CPEB4: variants seen among roughly 807,000 people sequenced by gnomAD.
CPEB4 encodes the protein cytoplasmic polyadenylation element-binding protein 4.
CPEB4 carries 12 observed loss-of-function variants against 72.5 expected under a neutral mutation model. The ratio of observed to expected loss-of-function variants is 0.17; its 90% CI spans 0.11 to 0.27. CPEB4 has a LOEUF of 0.27. Ranked by LOEUF, CPEB4 falls within the 10% of genes least tolerant of loss-of-function variation. The pLI is 1.00. For missense variants in CPEB4, 614 were observed against 908.5 expected, an observed-to-expected ratio of 0.68 and a Z score of 4.17; for synonymous variants, 302 against 326.3, an observed-to-expected ratio of 0.93 and a Z score of 0.80.
intron 3 of CPEB4, 46 bp from the exon 4 acceptor site, chr5:173,942,980 G>A (rs772381212): frequency 6.3e-7 from 1 of 1,590,768 alleles, no homozygotes. Flanking sequence ...TGTTTGAAAG[G>A]TTGTTTTGTT....
chr5:173,908,578 G>A (rs537100101), intron 1 of CPEB4, among the ~76,000 whole-genome samples: 1 of 152,260 alleles, frequency 6.6e-6, no homozygotes, highest in African/African-American at 2.4e-5. Context: ...GATGAGATGG[G>A]GTCAGGAGGA....
rs1348390187 is a variant in CPEB4, at chr5:173,958,881, A to G, written c.*2744A>G. The G allele has an allele frequency of 6.5e-6, 1 of 152,732 alleles. No individual in the cohort carries two copies. The highest frequency in any genetic ancestry group is 1.9e-4 in the East Asian group (1 of 5,334). The allele number at this position is 152,732 out of a possible 1,614,324, so 9.5% of individuals were successfully genotyped here. A position where few individuals can be genotyped will look rare whatever the true frequency, so the allele number is the denominator to read the frequency against. On this transcript the variant is annotated 3_prime_UTR_variant, in exon 10 of 10. Transcript: ENST00000265085. ...TGTCTGCTCTTTTAAATTATATATA[A>G]GGAAAAAAAATAGCCTGCCTTGGGA...
At chr5:173,935,247 G>A (rs543159330) in intron 3 of CPEB4, among the ~76,000 whole-genome samples, 2 of 152,282 alleles carry the variant, frequency 1.3e-5, no homozygotes, top group East Asian at 3.9e-4. Context: ...TGCAAAAATT[G>A]TTGAAAGTTG....
intron 3 of CPEB4, among the ~76,000 whole-genome samples, chr5:173,934,141 C>T (rs370128769): frequency 3.6e-4 from 55 of 152,224 alleles, no homozygotes; most frequent in Middle Eastern, 3.4e-3. Context: ...GCCATGATTG[C>T]ACCACTGTAC....
intron 2 of CPEB4, among the ~76,000 whole-genome samples, chr5:173,916,325 A>G (rs1297346603): frequency 6.6e-6 from 1 of 152,242 alleles, no homozygotes; most frequent in Non-Finnish European, 1.5e-5. Context: ...TCTGAGTTTC[A>G]GGCATTTCAA....
Position 173,956,002 on chromosome 5 carries a change from T to A in CPEB4, c.2055T>A (p.Ala685=), listed in dbSNP as rs757814742. The part of the protein sequence containing the change: ...CGGKFAPFFC[A]NVTCLQYYCE... ...GGAAATTTGCTCCATTTTTCTGTGC[T>A]AATGTTACCTGTCTGCAGTATTACT... The change falls in exon 10 of 10, where the codon GCT becomes GCA. Residue 685 remains alanine (A), a synonymous_variant. Coordinates refer to ENST00000265085, the MANE Select transcript of CPEB4 (RefSeq NM_030627.4). 1.9e-6 allele frequency: 3 copies of A among 1,614,202 alleles called. No individual in the cohort carries two copies. Among genetic ancestry groups the A allele is most frequent in the East Asian group, 4.5e-5 (2 of 44,884 alleles).
At position 173,955,335 on chromosome 5, in the gene CPEB4, C is replaced by T. The variant is rs990347895; in HGVS notation, c.1963-575C>T. Among the ~76,000 whole-genome samples the T allele has an allele frequency of 6.6e-6, 1 of 151,450 alleles. No individual in the cohort carries two copies. Among genetic ancestry groups the T allele is most frequent in the Non-Finnish European group, 1.5e-5 (1 of 67,908 alleles). On this transcript the variant is annotated intron_variant, in intron 9 of 9. Transcript: ENST00000265085. This position sits in a 1 kb window ranked among gnomAD's most constrained non-coding sequence, Gnocchi z 4.7. ...TTTTAGACTGTGAATCCTATGGCTG[C>T]ATCTTTTTTTTTTTTTTTAACAGAG...
rs564859216 is a variant in CPEB4 at position 173,937,469 on chromosome 5, G to T, written c.1258+4969G>T. ...GAAATGTAGATGATGATCACTTACT[G>T]AAAATGTGTGTAATATGGTTCTAGT... On this transcript the variant is annotated intron_variant, in intron 3 of 9. Transcript: ENST00000265085. 2.6e-5 allele frequency among the ~76,000 whole-genome samples: 4 copies of T among 152,290 alleles called. No homozygotes were observed. In the South Asian group the frequency reaches 6.2e-4, roughly 24 times the overall value.
chr5:173,921,948 C>G (rs1757087039), intron 2 of CPEB4, among the ~76,000 whole-genome samples: 1 of 152,140 alleles, frequency 6.6e-6, no homozygotes, highest in Non-Finnish European at 1.5e-5. Flanking sequence ...TATTTGTAAC[C>G]CAGATCCTTA....
chr5:173,914,687 C>T (rs1011807846), intron 2 of CPEB4, among the ~76,000 whole-genome samples: 7 of 152,164 alleles, frequency 4.6e-5, no homozygotes, highest in African/African-American at 1.7e-4. Flanking sequence ...ACCTGGCAGG[C>T]GGAGGTTGCA....
At chr5:173,952,896 C>T (rs978079306) in intron 8 of CPEB4, among the ~76,000 whole-genome samples, 195 bp from the exon 9 acceptor site, 7 of 152,154 alleles carry the variant, frequency 4.6e-5, no homozygotes, top group African/African-American at 1.4e-4. Context: ...CTAGAAAACA[C>T]CTAGCAACCC....
At position 173,946,887 on chromosome 5, in the gene CPEB4, G is replaced by A. The variant is rs117776437; in HGVS notation, c.1456+1747G>A. 5.1e-4 allele frequency among the ~76,000 whole-genome samples: 78 copies of A among 151,988 alleles called. 1 individual carries two copies. The East Asian group carries it at 0.014, about 26-fold the overall frequency. ...ACTAAACTTACTCTGCTCACACTAC[G>A]TATTCCAAACTGGAATATCACCATA... On this transcript the variant is annotated intron_variant, in intron 5 of 9. Coordinates refer to ENST00000265085, the MANE Select transcript of CPEB4 (RefSeq NM_030627.4).
chr5:173,919,611 T>A (rs1757004003), intron 2 of CPEB4, among the ~76,000 whole-genome samples: 1 of 152,216 alleles, frequency 6.6e-6, no homozygotes, highest in African/African-American at 2.4e-5. Context: ...AAAAAAGCCC[T>A]TTGTTGTCTA....
Position 173,958,214 on chromosome 5 carries a change from C to T in CPEB4, c.*2077C>T, listed in dbSNP as rs999328661. ...CCTTTGTACATGACCTGCTGAATTT[C>T]GGTACAGTGTTTTTGTAGCTAACTT... On this transcript the variant is annotated 3_prime_UTR_variant, in exon 10 of 10. Transcript: ENST00000265085. The T allele has an allele frequency of 6.5e-6, 1 of 152,720 alleles. No homozygotes were observed. The highest frequency in any genetic ancestry group is 6.5e-5 in the Admixed American group (1 of 15,276). 9.5% of individuals were successfully genotyped at this position (152,720 alleles called of 1,614,324 possible).
intron 5 of CPEB4, among the ~76,000 whole-genome samples, chr5:173,946,623 G>C (rs1408232891): frequency 3.3e-5 from 5 of 152,084 alleles, no homozygotes; most frequent in Non-Finnish European, 5.9e-5. Flanking sequence ...GCAAGGTTAG[G>C]GGCATAGCTC....
chr5:173,889,697 A>G lies in CPEB4; in HGVS notation c.-37A>G. The G allele has an allele frequency of 6.6e-7, 1 of 1,518,458 alleles. No homozygotes were observed. The highest frequency in any genetic ancestry group is 8.8e-7 in the Non-Finnish European group (1 of 1,132,378). 94.1% of individuals were successfully genotyped at this position (1,518,458 alleles called of 1,614,324 possible). On this transcript the variant is annotated 5_prime_UTR_variant, in exon 1 of 10. Transcript: ENST00000265085. ...AAAAGGCGTGAGACATCAGGTTGTCATTTTTTATTGTGAGATTCTGCTCCT... is the reference window on the plus strand; with the variant it reads ...AAAAGGCGTGAGACATCAGGTTGTCGTTTTTTATTGTGAGATTCTGCTCCT...
intron 3 of CPEB4, among the ~76,000 whole-genome samples, chr5:173,941,621 C>T (rs1434837774): frequency 6.6e-6 from 1 of 151,836 alleles, no homozygotes; most frequent in Non-Finnish European, 1.5e-5. Flanking sequence ...GGCTGTAACC[C>T]TGGGACTTTG....
At chr5:173,929,582 C>T (rs1462203743) in intron 2 of CPEB4, among the ~76,000 whole-genome samples, 1 of 152,016 alleles carries the variant, frequency 6.6e-6, no homozygotes, top group Non-Finnish European at 1.5e-5. Context: ...ATTGGTAGTC[C>T]CAGTCACTTG....
intron 1 of CPEB4, among the ~76,000 whole-genome samples, chr5:173,909,882 C>T (rs1756580318): frequency 6.6e-6 from 1 of 151,812 alleles, no homozygotes; most frequent in African/African-American, 2.4e-5. Context: ...TGCCTGTAAT[C>T]CCAGCTACTC....
Sources: gnomAD v4.1 joint callset for allele counts (sites outside exome capture counted in the v4.1 genomes callset) on GRCh38, gnomAD v4.1.1 for gene constraint, Gnocchi (gnomAD v3.1) non-coding constraint, MANE v1.5 for transcripts, NCBI Gene and HGNC (gene_info 2026-07-23, HGNC 2026-07-21) for gene names.